Variants in TNIP1 observed in about 807,000 individuals in gnomAD.
TNIP1 encodes the protein TNFAIP3 interacting protein 1.
In TNIP1, 22 loss-of-function variants were observed where a neutral mutation model predicts 86.6. The observed-to-expected ratio is 0.25, with a 90% CI of 0.18 to 0.36. The LOEUF is 0.36. Ranked by LOEUF, TNIP1 falls within the 10% of genes least tolerant of loss-of-function variation. The pLI is 1.00. For synonymous variants in TNIP1, 294 were observed against 313.0 expected (o/e 0.94, Z 0.64); for missense variants, 709 against 820.6 (o/e 0.86, Z 1.66).
intron 5 of TNIP1, among the ~76,000 whole-genome samples, chr5:151,059,585 T>C (rs1761118056): frequency 6.6e-6 from 1 of 151,858 alleles, no homozygotes; most frequent in Non-Finnish European, 1.5e-5. Context: ...AACTTAAAAG[T>C]GGGAAGGAAG....
intron 1 of TNIP1, among the ~76,000 whole-genome samples, chr5:151,086,514 A>G (rs762400121): frequency 1.4e-4 from 21 of 152,174 alleles, no homozygotes; most frequent in South Asian, 2.1e-4. Context: ...GCCTCTTCCT[A>G]TCTAGCTGTA....
At chr5:151,053,031 TGCCCTCAC>T (rs1450924735) in intron 6 of TNIP1, among the ~76,000 whole-genome samples, 1 of 151,610 alleles carries the variant, frequency 6.6e-6, no homozygotes, top group South Asian at 2.1e-4. Flanking sequence ...GACCTCACTA[TGCCCTCAC>T]GCCCTCACAA....
At position 151,033,789 on chromosome 5, in the gene TNIP1, TCTC is replaced by T; in HGVS notation, c.1595_1597del (p.Gly532del). On this transcript the variant is annotated inframe_deletion, in exon 16 of 18. Transcript: ENST00000521591. ...TGGGTGGGGCTCCACATGGTAACGC[TCTC>T]CTGAGGCCTGCAAGAAAGGCTGACG... 9.5e-6 allele frequency: 13 copies of T among 1,366,454 alleles called. No homozygotes were observed. The highest frequency in any genetic ancestry group is 1.2e-5 in the Non-Finnish European group (13 of 1,053,578). 84.6% of individuals were successfully genotyped at this position (1,366,454 alleles called of 1,614,324 possible).
chr5:151,062,362 G>A, intron 3 of TNIP1, 150 bp from the exon 4 acceptor site: 1 of 698,206 alleles, frequency 1.4e-6, no homozygotes, highest in Non-Finnish European at 2.5e-6. Flanking sequence ...TCAGGGCCAG[G>A]TAGTCTGAGA....
chr5:151,052,108 AG>A, intron 7 of TNIP1, 56 bp downstream of exon 7: 1 of 1,512,058 alleles, frequency 6.6e-7, no homozygotes, highest in Non-Finnish European at 9.1e-7. Flanking sequence ...GCTGCACACC[AG>A]CCCCTCCTCC....
chr5:151,086,482 C>A (rs1196105476), intron 1 of TNIP1, among the ~76,000 whole-genome samples: 1 of 152,176 alleles, frequency 6.6e-6, no homozygotes, highest in African/African-American at 2.4e-5. Flanking sequence ...CTATGTTCCC[C>A]TGGAGGCAGC....
At position 151,033,752 on chromosome 5, in the gene TNIP1, G is replaced by A. The variant is rs139496041; in HGVS notation, c.1635C>T (p.Cys545=). The A allele has an allele frequency of 3.2e-5, 44 of 1,364,832 alleles. No homozygotes were observed. The African/African-American group carries it at 4.6e-4, about 14-fold the overall frequency. The allele number at this position is 1,364,832 out of a possible 1,614,324, so 84.5% of individuals were successfully genotyped here. Reference sequence around the variant, plus strand: ...GCGGGTAGGCGTAGGGGTAGGCCCCGCAGAGATGTTCTGGGTGGGGCTCCA... The same window carrying A: ...GCGGGTAGGCGTAGGGGTAGGCCCCACAGAGATGTTCTGGGTGGGGCTCCA... ...YHVEPHPEHL[C]GAYPYAYPPM... is the part of the protein sequence containing the mutation. The change falls in exon 16 of 18, where the codon TGC becomes TGT. Residue 545 remains cysteine (C), a synonymous_variant. Coordinates refer to ENST00000521591, the MANE Select transcript of TNIP1 (RefSeq NM_006058.5).
At chr5:151,043,601 C>T (rs943205191) in intron 9 of TNIP1, among the ~76,000 whole-genome samples, 2 of 151,954 alleles carry the variant, frequency 1.3e-5, no homozygotes, top group East Asian at 3.9e-4. Flanking sequence ...ATGGCAAAAC[C>T]CCATCTCTAC....
At chr5:151,034,967 A>G in intron 15 of TNIP1, 35 bp downstream of exon 15, 1 of 1,612,218 alleles carries the variant, frequency 6.2e-7, no homozygotes, top group Non-Finnish European at 8.5e-7. Flanking sequence ...AGGTAAGAGG[A>G]TGTCAGTGCT....
In TNIP1 at chr5:151,030,355, C is replaced by T. The variant is rs114978153; in HGVS notation, c.*358G>A. On this transcript the variant is annotated 3_prime_UTR_variant, in exon 18 of 18. Transcript: ENST00000521591. ...CAACTAGAGGGCCTGAAACCACTTC[C>T]GGGAGGTTTTGAAGGAAGGGGGTCT... The T allele has an allele frequency of 1.5e-3, 675 of 436,738 alleles. 5 individuals are homozygous for T. Among genetic ancestry groups the T allele is most frequent in the African/African-American group, 0.012 (595 of 49,878 alleles). 27.1% of individuals were successfully genotyped at this position (436,738 alleles called of 1,614,324 possible).
chr5:151,058,812 C>A (rs1299790253), intron 5 of TNIP1, among the ~76,000 whole-genome samples: 1 of 152,190 alleles, frequency 6.6e-6, no homozygotes, highest in East Asian at 1.9e-4. Context: ...AAGTCAGTGG[C>A]AGAGGTATAA....
upstream of TNIP1, chr5:151,087,468 C>G (rs1044414653): frequency 6.6e-6 from 1 of 152,348 alleles, no homozygotes; most frequent in African/African-American, 2.4e-5. Flanking sequence ...GGCCTGGCCT[C>G]CCTAGATTGT....
intron 15 of TNIP1, chr5:151,034,736 G>A (rs556705744): frequency 7.2e-4 from 341 of 475,716 alleles, no homozygotes; most frequent in South Asian, 1.0e-3. Context: ...ACATGGGCAC[G>A]GAAGGCTCAT....
At chr5:151,034,597 T>C in intron 15 of TNIP1, 1 of 312,602 alleles carries the variant, frequency 3.2e-6, no homozygotes, top group Non-Finnish European at 6.0e-6. Flanking sequence ...CATGGAAGGC[T>C]GGTACATGGA....
At chr5:151,062,917 C>T (rs1350994301) in intron 3 of TNIP1, among the ~76,000 whole-genome samples, 2 of 152,272 alleles carry the variant, frequency 1.3e-5, no homozygotes, top group African/African-American at 2.4e-5. Flanking sequence ...AGATACCATA[C>T]AGTAGAGCTG....
chr5:151,049,560 C>T (rs773514447), intron 8 of TNIP1, among the ~76,000 whole-genome samples: 18 of 152,216 alleles, frequency 1.2e-4, no homozygotes, highest in Non-Finnish European at 2.5e-4. Flanking sequence ...CTCAACACCA[C>T]CTTCTATGAG....
At chr5:151,040,125 C>T (rs939965984) in intron 11 of TNIP1, among the ~76,000 whole-genome samples, 6 of 152,240 alleles carry the variant, frequency 3.9e-5, no homozygotes, top group Non-Finnish European at 8.8e-5. Flanking sequence ...GATGGCAGCA[C>T]AGTGCAGTGG....
At chr5:151,045,763 T>C in intron 9 of TNIP1, 98 bp downstream of exon 9, 1 of 1,235,356 alleles carries the variant, frequency 8.1e-7, no homozygotes. Context: ...CATGGTGACC[T>C]GGGACCTGCC....
rs1761678685 is a variant in TNIP1 at position 151,062,303 on chromosome 5, C to T, written c.272-91G>A. On this transcript the variant is annotated intron_variant, in intron 3 of 17. Coordinates refer to ENST00000521591, the MANE Select transcript of TNIP1 (RefSeq NM_006058.5). ...AAGGACAGCCCTTGACAAAAGGGTT[C>T]TCAGACAGGATTCCCCACTCGAGTG... 4 of 1,190,844 alleles carry T rather than the reference C, an allele frequency of 3.4e-6. No homozygotes were observed. The East Asian group carries it at 7.2e-5, about 21-fold the overall frequency. 73.8% of individuals were successfully genotyped at this position (1,190,844 alleles called of 1,614,324 possible). A position where few individuals can be genotyped will look rare whatever the true frequency, so the allele number is the denominator to read the frequency against.
Sources: gnomAD v4.1 joint callset for allele counts (sites outside exome capture counted in the v4.1 genomes callset) on GRCh38, gnomAD v4.1.1 for gene constraint, MANE v1.5 for transcripts, NCBI Gene and HGNC (gene_info 2026-07-23, HGNC 2026-07-21) for gene names.